Variants in PSMD13 observed in about 807,000 individuals in gnomAD.
The protein encoded by PSMD13 is proteasome 26S subunit, non-ATPase 13, also known as 26S proteasome non-ATPase regulatory subunit 13.
In PSMD13, 8 loss-of-function variants were observed where a neutral mutation model predicts 57.4. The ratio of observed to expected loss-of-function variants is 0.14; its 90% CI spans 0.08 to 0.25. PSMD13 has a LOEUF of 0.25. Among genes scored for constraint, PSMD13 ranks in the 10% least tolerant of loss-of-function variants. PSMD13 has a pLI of 1.00. For missense variants in PSMD13, 400 were observed against 461.5 expected (o/e 0.87, Z 1.22); for synonymous variants, 193 against 168.2 (o/e 1.15, Z -1.14).
At chr11:239,601 C>A (rs1213788937) in intron 2 of PSMD13, among the ~76,000 whole-genome samples, 1 of 152,118 alleles carries the variant, frequency 6.6e-6, no homozygotes, top group African/African-American at 2.4e-5. Context: ...AAATAAAACA[C>A]CTTTTGTACT....
chr11:242,500 G>A (rs1390825436), intron 2 of PSMD13, among the ~76,000 whole-genome samples: 2 of 151,788 alleles, frequency 1.3e-5, no homozygotes, highest in East Asian at 1.9e-4. Context: ...AAGATTTCAA[G>A]TAACTTATTG....
Position 251,037 on chromosome 11 carries a change from AG to A in PSMD13, c.837+173del. The A allele has an allele frequency of 1.6e-6, 1 of 616,562 alleles. No individual in the cohort carries two copies. The highest frequency in any genetic ancestry group is 1.9e-5 in the South Asian group (1 of 52,428). The allele number at this position is 616,562 out of a possible 1,614,324, so 38.2% of individuals were successfully genotyped here. A position where few individuals can be genotyped will look rare whatever the true frequency, so the allele number is the denominator to read the frequency against. ...TCCTTTGCTACCACTTGCTCTTCTA[AG>A]TTTATATTTGGCTCTTAGCTCAGAC... On this transcript the variant is annotated intron_variant, in intron 10 of 12. Coordinates refer to ENST00000532097, the MANE Select transcript of PSMD13 (RefSeq NM_002817.4). The surrounding 1 kb of genome is among the most constrained non-coding windows in gnomAD (Gnocchi z 4.6).
At chr11:238,284 C>A (rs1359279747) in intron 1 of PSMD13, among the ~76,000 whole-genome samples, 1 of 152,204 alleles carries the variant, frequency 6.6e-6, no homozygotes, top group Non-Finnish European at 1.5e-5. Context: ...TTCCAAAGTT[C>A]TCGTTTCCAG....
rs73394731 is a variant in PSMD13, at chr11:238,915, T to A, written c.96-83T>A. On this transcript the variant is annotated intron_variant, in intron 1 of 12. Transcript: ENST00000532097. ...GGATTAGAGATACCCAACCTGTATT[T>A]GTGACTTGATAGAATCATCAAGGCT... 0.011 allele frequency: 14,697 copies of A among 1,308,034 alleles called. 1,282 individuals are homozygous for A. In the African/African-American group the frequency reaches 0.19, roughly 17 times the overall value. The allele number at this position is 1,308,034 out of a possible 1,614,324, so 81.0% of individuals were successfully genotyped here.
At chr11:237,547 T>C (rs530361019) in intron 1 of PSMD13, among the ~76,000 whole-genome samples, 2 of 152,340 alleles carry the variant, frequency 1.3e-5, no homozygotes, top group South Asian at 4.1e-4. Context: ...GGGAAACATG[T>C]TGGTGATTCG....
In PSMD13 at chr11:249,021, G is replaced by C; in HGVS notation, c.738G>C (p.Glu246Asp). The C allele has an allele frequency of 6.2e-7, 1 of 1,613,788 alleles. No homozygotes were observed. Among genetic ancestry groups the C allele is most frequent in the African/African-American group, 1.3e-5 (1 of 75,046 alleles). ...TLYAFNSGNV[E>D]RFQTLKTAWG... ...ATGCCTTCAACAGTGGCAACGTAGA[G>C]CGGTTCCAGACTCTGAAGACTGCCT... Residue 246 changes from glutamate (E) to aspartate (D), a missense_variant, in exon 9 of 13, where the codon GAG (glutamate) becomes GAC (aspartate). By Grantham distance (45) the Glu-to-Asp change is conservative. Coordinates refer to ENST00000532097, the MANE Select transcript of PSMD13 (RefSeq NM_002817.4).
chr11:244,333 T>C, intron 4 of PSMD13, 93 bp from the exon 5 acceptor site: 1 of 1,577,788 alleles, frequency 6.3e-7, no homozygotes, highest in Non-Finnish European at 8.6e-7. Flanking sequence ...TTATACTTTA[T>C]GGTCAAAACC....
chr11:240,300 G>A lies in PSMD13; in HGVS notation c.174+1224G>A, dbSNP rs924794002. Among the ~76,000 whole-genome samples, 11 of 151,842 alleles carry A rather than the reference G, an allele frequency of 7.2e-5. No individual in the cohort carries two copies. In the East Asian group the frequency reaches 1.7e-3, roughly 24 times the overall value. On this transcript the variant is annotated intron_variant, in intron 2 of 12. Transcript: ENST00000532097. ...GATTTTTGTATTTCTTAGTAGAGAT[G>A]GGGTTTCACCAGTGTTGGCCAGGCT... is the stretch of plus-strand genomic sequence containing the variant.
Position 247,438 on chromosome 11 carries a change from G to A in PSMD13, c.558G>A (p.Lys186=). The change falls in exon 7 of 13, where the codon AAG becomes AAA. Residue 186 remains lysine, a synonymous_variant. Coordinates refer to ENST00000532097, the MANE Select transcript of PSMD13 (RefSeq NM_002817.4). ...ALRFLGCVDI[K]DLPVSEQQER... ...GGTTTTTGGGCTGTGTTGACATCAAGGATCTACCAGGTAACCTAGGCCATT... is the reference window on the plus strand; with the variant it reads ...GGTTTTTGGGCTGTGTTGACATCAAAGATCTACCAGGTAACCTAGGCCATT... The A allele has an allele frequency of 3.7e-6, 6 of 1,612,542 alleles. No individual in the cohort carries two copies. The highest frequency in any genetic ancestry group is 5.1e-6 in the Non-Finnish European group (6 of 1,179,320).
intron 6 of PSMD13, among the ~76,000 whole-genome samples, chr11:245,979 C>T (rs1859639760): frequency 6.6e-6 from 1 of 152,170 alleles, no homozygotes; most frequent in African/African-American, 2.4e-5. Flanking sequence ...CCACACGGCA[C>T]AGTCAGGGTC....
At position 252,407 on chromosome 11, in the gene PSMD13, C is replaced by A; in HGVS notation, c.1036-98C>A. On this transcript the variant is annotated intron_variant, in intron 12 of 12. Transcript: ENST00000532097. This position sits in a 1 kb window ranked among gnomAD's most constrained non-coding sequence, Gnocchi z 4.1. ...TACTAGAGCTGCCCTAGAGAGTTAGCTGGAGATGTAGAGTCACCCCATCAG... is the reference window on the plus strand; with the variant it reads ...TACTAGAGCTGCCCTAGAGAGTTAGATGGAGATGTAGAGTCACCCCATCAG... 1 of 1,103,366 alleles carries A rather than the reference C, an allele frequency of 9.1e-7. No individual in the cohort carries two copies. The highest frequency in any genetic ancestry group is 1.4e-6 in the Non-Finnish European group (1 of 723,632). 68.3% of individuals were successfully genotyped at this position (1,103,366 alleles called of 1,614,324 possible). A position where few individuals can be genotyped will look rare whatever the true frequency, so the allele number is the denominator to read the frequency against.
At position 252,389 on chromosome 11, in the gene PSMD13, G is replaced by C; in HGVS notation, c.1036-116G>C. 2 of 913,426 alleles carry C rather than the reference G, an allele frequency of 2.2e-6. No homozygotes were observed. Among genetic ancestry groups the C allele is most frequent in the Non-Finnish European group, 3.5e-6 (2 of 567,320 alleles). The allele number at this position is 913,426 out of a possible 1,614,324, so 56.6% of individuals were successfully genotyped here. On this transcript the variant is annotated intron_variant, in intron 12 of 12. Coordinates refer to ENST00000532097, the MANE Select transcript of PSMD13 (RefSeq NM_002817.4). This position sits in a 1 kb window ranked among gnomAD's most constrained non-coding sequence, Gnocchi z 4.1. ...CAGCTCAGAGGTCCTTTTTACTAGA[G>C]CTGCCCTAGAGAGTTAGCTGGAGAT...
In PSMD13 at chr11:247,273, A is replaced by T. The variant is rs762803065; in HGVS notation, c.397-4A>T. 3 of 1,608,724 alleles carry T rather than the reference A, an allele frequency of 1.9e-6. No homozygotes were observed. In the East Asian group the frequency reaches 6.7e-5, roughly 36 times the overall value. On this transcript the variant is annotated splice_region_variant and splice_polypyrimidine_tract_variant and intron_variant, in intron 6 of 12. Transcript: ENST00000532097. ...AGAGAGATGATTTTCCTTCCTGTGT[A>T]TAGGAAACAATTGAAGATGTTGAAG...
intron 7 of PSMD13, chr11:248,571 C>T (rs569460782): frequency 5.3e-6 from 3 of 568,986 alleles, no homozygotes; most frequent in East Asian, 2.9e-5. Context: ...TAAATGAATG[C>T]TCCTCCCAAA....
intron 9 of PSMD13, among the ~76,000 whole-genome samples, chr11:249,533 C>T (rs1351935792): frequency 7.7e-6 from 1 of 130,518 alleles, no homozygotes; most frequent in African/African-American, 2.9e-5. Context: ...AATGGGAGAG[C>T]GGTGGGTGCA....
intron 2 of PSMD13, 141 bp downstream of exon 2, chr11:239,217 A>G (rs1040753056): frequency 2.5e-6 from 2 of 790,540 alleles, no homozygotes; most frequent in Non-Finnish European, 4.3e-6. Context: ...TGAGCGCTTC[A>G]CATATCCTTC....
At chr11:239,248 A>G (rs565858967) in intron 2 of PSMD13, among the ~76,000 whole-genome samples, 172 bp downstream of exon 2, 6 of 152,228 alleles carry the variant, frequency 3.9e-5, no homozygotes, top group Non-Finnish European at 7.3e-5. Context: ...TGGTCAGTAG[A>G]TACTACTATC....
intron 6 of PSMD13, 24 bp from the exon 7 acceptor site, chr11:247,253 G>A (rs1460764276): frequency 4.4e-6 from 7 of 1,587,876 alleles, no homozygotes; most frequent in Non-Finnish European, 5.1e-6. Context: ...TAAAAAGAGA[G>A]ATGATTTTCC....
At chr11:249,675 C>G (rs895013516) in intron 9 of PSMD13, among the ~76,000 whole-genome samples, 2 of 151,330 alleles carry the variant, frequency 1.3e-5, no homozygotes, top group Non-Finnish European at 2.9e-5. Flanking sequence ...AAGGGGAGGG[C>G]AGGCACTGGG....
Sources: allele counts gnomAD v4.1 joint callset (sites outside exome capture counted in the v4.1 genomes callset), GRCh38; gene constraint gnomAD v4.1.1; non-coding constraint Gnocchi (gnomAD v3.1); transcripts MANE v1.5; gene names NCBI Gene and HGNC (gene_info 2026-07-23, HGNC 2026-07-21).